The following C2orf81 variants were observed in gnomAD, a reference collection of about 807,000 sequenced individuals.
C2orf81 encodes the protein chromosome 2 open reading frame 81.
Under a neutral mutation model 7.9 loss-of-function variants are expected in C2orf81, and 5 were observed. The observed-to-expected ratio is 0.63, with a 90% confidence interval of 0.33 to 1.33. C2orf81 has a LOEUF of 1.33. Among genes scored for constraint, C2orf81 ranks in the 40% most tolerant of loss-of-function variants. The probability of loss-of-function intolerance (pLI) is 0.05; values close to 1 mark genes in which losing one functional copy is unlikely to be tolerated. For synonymous variants in C2orf81, 346 were observed against 367.4 expected, an observed-to-expected ratio of 0.94 and a Z score of 0.66; for missense variants, 781 against 830.4, an observed-to-expected ratio of 0.94 and a Z score of 0.73.
intron 1 of C2orf81, chr2:74,417,568 G>A: frequency 9.1e-7 from 1 of 1,098,468 alleles, no homozygotes; most frequent in South Asian, 1.5e-5. Flanking sequence ...TGAAAGGTGT[G>A]AGCCTCACGT....
chr2:74,416,999 G>C (rs1355946510), intron 1 of C2orf81, among the ~76,000 whole-genome samples: 1 of 152,164 alleles, frequency 6.6e-6, no homozygotes. Context: ...CATCCTAGGG[G>C]AGTAGTCAGT....
Position 74,416,118 on chromosome 2 carries a change from T to G in C2orf81, c.142A>C (p.Met48Leu). The G allele has an allele frequency of 6.5e-7, 1 of 1,534,346 alleles. No homozygotes were observed. The highest frequency in any genetic ancestry group is 8.8e-7 in the Non-Finnish European group (1 of 1,136,564). Residue 48 changes from methionine (M) to leucine (L), a missense_variant, in exon 2 of 3, where the codon ATG becomes CTG. Physicochemically the swap from Met to Leu is conservative, Grantham distance 15. Transcript: ENST00000684111. ...VPGRLSEAEW[M>L]ALTALEEGED... ...CCCTCCTCGAGGGCTGTAAGCGCCA[T>G]CCACTCGGCCTCACTGAGCCGCCCA... is the stretch of plus-strand genomic sequence containing the variant.
Position 74,415,643 on chromosome 2 carries a change from A to G in C2orf81, c.534T>C (p.Ser178=), listed in dbSNP as rs1676436546. The change falls in exon 3 of 3, where the codon TCT becomes TCC. Residue 178 remains serine, a synonymous_variant. Transcript: ENST00000684111. This position sits in a 1 kb window ranked among gnomAD's most constrained non-coding sequence, Gnocchi z 5.5. ...AIAPALPFPT[S]HCPSAFPQDP... ...CCTGGGGAAATGCACTCGGGCAGTG[A>G]GATGTCGGAAAGGGGAGAGCAGGAG... The G allele has an allele frequency of 6.4e-7, 1 of 1,551,040 alleles. No homozygotes were observed. The highest frequency in any genetic ancestry group is 1.4e-5 in the African/African-American group (1 of 73,052).
chr2:74,420,499 C>A (rs1676573954), intron 1 of C2orf81, among the ~76,000 whole-genome samples: 1 of 152,180 alleles, frequency 6.6e-6, no homozygotes, highest in Non-Finnish European at 1.5e-5. Context: ...ATTATCCCCC[C>A]AAATCTGCTG....
chr2:74,417,788 A>G, intron 1 of C2orf81: 1 of 519,896 alleles, frequency 1.9e-6, no homozygotes, highest in Non-Finnish European at 3.4e-6. Context: ...CCAAAAGCCC[A>G]GAGAGCAATG....
At position 74,415,746 on chromosome 2, in the gene C2orf81, G is replaced by A. The variant is rs2103831117; in HGVS notation, c.431C>T (p.Ala144Val). 1.3e-6 allele frequency: 2 copies of A among 1,551,590 alleles called. No individual in the cohort carries two copies. The highest frequency in any genetic ancestry group is 2.4e-5 in the East Asian group (1 of 40,918). Residue 144 changes from alanine (A) to valine (V), a missense_variant, in exon 3 of 3, where the codon GCG becomes GTG. Transcript: ENST00000684111. This position sits in a 1 kb window ranked among gnomAD's most constrained non-coding sequence, Gnocchi z 5.5. ...WAQGSVPVLHASTSEGLENFQ... is the reference protein window; with the variant it reads ...WAQGSVPVLHVSTSEGLENFQ... The stretch of plus-strand genomic sequence containing the variant: ...GTTCTCCAGGCCCTCCGAGGTGGAC[G>A]CGTGCAGCACGGGCACTGAACCCTG...
chr2:74,415,158 C>CCGCCCGCGGAGGGGCGGGTGGCGA lies in C2orf81; in HGVS notation c.1018_1019insTCGCCACCCGCCCCTCCGCGGGCG (p.Gly339_Gly340insValAlaThrArgProSerAlaGly), dbSNP rs1553369109. On this transcript the variant is annotated inframe_insertion, in exon 3 of 3. Transcript: ENST00000684111. This position sits in a 1 kb window ranked among gnomAD's most constrained non-coding sequence, Gnocchi z 5.5. ...GCAGGACGCGGAGGGGCGGGTGGCG[C>CCGCCCGCGGAGGGGCGGGTGGCGA]CGCCCACAGAGGGGTAGGACACCAA... 1.3e-6 allele frequency: 2 copies of CCGCCCGCGGAGGGGCGGGTGGCGA among 1,535,428 alleles called. No homozygotes were observed. The highest frequency in any genetic ancestry group is 2.0e-5 in the Admixed American group (1 of 49,092).
Position 74,415,682 on chromosome 2 carries a change from G to A in C2orf81, c.495C>T (p.Asp165=), listed in dbSNP as rs1291371085. The A allele has an allele frequency of 1.3e-6, 2 of 1,551,494 alleles. No individual in the cohort carries two copies. The highest frequency in any genetic ancestry group is 2.0e-5 in the Admixed American group (1 of 51,010). Reference sequence around the variant, plus strand: ...GGAGAGCAGGAGCAATGGCAGAGGAGTCCGGAGAGGCTCCTGAGGAGTGTA... The same window carrying A: ...GGAGAGCAGGAGCAATGGCAGAGGAATCCGGAGAGGCTCCTGAGGAGTGTA... ...GEVHSSGASP[D]SSAIAPALPF... Residue 165 remains aspartate (D), a synonymous_variant, in exon 3 of 3, where the codon GAC becomes GAT. Coordinates refer to ENST00000684111, the MANE Select transcript of C2orf81 (RefSeq NM_001316764.3). This position sits in a 1 kb window ranked among gnomAD's most constrained non-coding sequence, Gnocchi z 5.5.
chr2:74,416,489 C>A (rs1676471013), intron 1 of C2orf81: 2 of 313,228 alleles, frequency 6.4e-6, no homozygotes, highest in Non-Finnish European at 1.2e-5. Flanking sequence ...GTCACTTGAA[C>A]CCGGGAGATG....
Position 74,415,206 on chromosome 2 carries a change from A to AC in C2orf81, c.970dup (p.Val324GlyfsTer68), listed in dbSNP as rs1290976640. 6.5e-7 allele frequency: 1 copy of AC among 1,549,976 alleles called. No homozygotes were observed. Among genetic ancestry groups the AC allele is most frequent in the Admixed American group, 2.0e-5 (1 of 50,908 alleles). On this transcript the variant is annotated frameshift_variant, in exon 3 of 3. Coordinates refer to ENST00000684111, the MANE Select transcript of C2orf81 (RefSeq NM_001316764.3). LOFTEE classifies it low-confidence loss of function (END_TRUNC). The surrounding 1 kb of genome is among the most constrained non-coding windows in gnomAD (Gnocchi z 5.5). Reference sequence around the variant, plus strand: ...CAACACGCCCGAGGCGATGCAGGGCACCCCCTCTGACCTGAGTTCCAGCCG... The same window carrying AC: ...CAACACGCCCGAGGCGATGCAGGGCACCCCCCTCTGACCTGAGTTCCAGCCG...
intron 1 of C2orf81, chr2:74,418,037 T>C: frequency 2.5e-6 from 1 of 401,106 alleles, no homozygotes; most frequent in South Asian, 1.9e-5. Flanking sequence ...CTGGAGGCGG[T>C]GGTGATGGTG....
In C2orf81 at chr2:74,414,533, C is replaced by G. The variant is rs1473208486; in HGVS notation, c.1644G>C (p.Pro548=). The part of the protein sequence containing the change: ...DPGRWPRTTP[P]VLEATSQVMW... Reference sequence around the variant, plus strand: ...TCACCTGGGAAGTGGCTTCAAGGACCGGGGGTGTGGTTCGAGGCCATCTGC... The same window carrying G: ...TCACCTGGGAAGTGGCTTCAAGGACGGGGGGTGTGGTTCGAGGCCATCTGC... The change falls in exon 3 of 3, where the codon CCG becomes CCC. Residue 548 remains proline, a synonymous_variant. Transcript: ENST00000684111. The surrounding 1 kb of genome is among the most constrained non-coding windows in gnomAD (Gnocchi z 5.3). The G allele has an allele frequency of 6.5e-7, 1 of 1,543,734 alleles. No individual in the cohort carries two copies. Among genetic ancestry groups the G allele is most frequent in the Non-Finnish European group, 8.8e-7 (1 of 1,141,808 alleles).
rs1558528271 is a variant in C2orf81 at position 74,415,916 on chromosome 2, G to A, written c.261C>T (p.Phe87=). 6.5e-7 allele frequency: 1 copy of A among 1,548,320 alleles called. No individual in the cohort carries two copies. The highest frequency in any genetic ancestry group is 2.5e-5 in the East Asian group (1 of 40,790). ...KVYLTQQCIP[F]TISQAREAML... is the part of the protein sequence containing the mutation. ...TGGCCTCCCGGGCCTGGCTGATGGT[G>A]AATGGAATGCACTGCGGAGGCGAGA... Residue 87 remains phenylalanine (F), a synonymous_variant, in exon 3 of 3, where the codon TTC becomes TTT. Transcript: ENST00000684111. This position sits in a 1 kb window ranked among gnomAD's most constrained non-coding sequence, Gnocchi z 5.5.
rs1676446530 is a variant in C2orf81, at chr2:74,415,745, C to A, written c.432G>T (p.Ala144=). ...AGTTCTCCAGGCCCTCCGAGGTGGACGCGTGCAGCACGGGCACTGAACCCT... is the reference window on the plus strand; with the variant it reads ...AGTTCTCCAGGCCCTCCGAGGTGGAAGCGTGCAGCACGGGCACTGAACCCT... ...WAQGSVPVLH[A]STSEGLENFQ... Residue 144 remains alanine, a synonymous_variant, in exon 3 of 3, where the codon GCG becomes GCT. Coordinates refer to ENST00000684111, the MANE Select transcript of C2orf81 (RefSeq NM_001316764.3). The surrounding 1 kb of genome is among the most constrained non-coding windows in gnomAD (Gnocchi z 5.5). The A allele has an allele frequency of 6.4e-7, 1 of 1,551,452 alleles. No homozygotes were observed. The highest frequency in any genetic ancestry group is 8.7e-7 in the Non-Finnish European group (1 of 1,147,022).
At position 74,415,594 on chromosome 2, in the gene C2orf81, G is replaced by C; in HGVS notation, c.583C>G (p.Pro195Ala). The change falls in exon 3 of 3, where the codon CCT becomes GCT. Residue 195 changes from proline to alanine, a missense_variant. Coordinates refer to ENST00000684111, the MANE Select transcript of C2orf81 (RefSeq NM_001316764.3). The surrounding 1 kb of genome is among the most constrained non-coding windows in gnomAD (Gnocchi z 5.5). ...PQDPGGVDRIPLGRSWMGRGS... is the reference protein window; with the variant it reads ...PQDPGGVDRIALGRSWMGRGS... ...CGACCCATCCACGACCTTCCTAAAG[G>C]GATCCGGTCCACGCCCCCAGGGTCC... The C allele has an allele frequency of 6.4e-7, 1 of 1,551,254 alleles. No individual in the cohort carries two copies. The highest frequency in any genetic ancestry group is 8.7e-7 in the Non-Finnish European group (1 of 1,146,996).
Position 74,415,060 on chromosome 2 carries a change from C to T in C2orf81, c.1117G>A (p.Val373Met). 1.3e-6 allele frequency: 2 copies of T among 1,548,104 alleles called. No individual in the cohort carries two copies. Among genetic ancestry groups the T allele is most frequent in the Non-Finnish European group, 1.7e-6 (2 of 1,145,664 alleles). Residue 373 changes from valine (V) to methionine (M), a missense_variant, in exon 3 of 3, where the codon GTG (valine) becomes ATG (methionine). Coordinates refer to ENST00000684111, the MANE Select transcript of C2orf81 (RefSeq NM_001316764.3). The surrounding 1 kb of genome is among the most constrained non-coding windows in gnomAD (Gnocchi z 5.5). ...AGCCTCGCAGGGTCCAGGCGTTTCA[C>T]GGCCGCCTTGCGGCGCATCCTGTGG... ...HHHRMRRKAA[V>M]KRLDPARLPC... is the part of the protein sequence containing the mutation.
intron 1 of C2orf81, among the ~76,000 whole-genome samples, chr2:74,420,772 CTTTTTTTTTT>C (rs745827470): frequency 3.2e-4 from 23 of 72,708 alleles, no homozygotes; most frequent in South Asian, 6.7e-4. Flanking sequence ...TCTTCTTCTT[CTTTTTTTTTT>C]TTTTTTTTTT....
intron 1 of C2orf81, chr2:74,417,526 C>T: frequency 5.2e-6 from 6 of 1,158,644 alleles, no homozygotes; most frequent in Non-Finnish European, 7.0e-6. Context: ...GCTGTCCAAC[C>T]TAGTGCAGGG....
chr2:74,415,889 C>T lies in C2orf81; in HGVS notation c.288G>A (p.Met96Ile). The change falls in exon 3 of 3, where the codon ATG (methionine) becomes ATA (isoleucine). Residue 96 changes from methionine (M) to isoleucine (I), a missense_variant. Transcript: ENST00000684111. The surrounding 1 kb of genome is among the most constrained non-coding windows in gnomAD (Gnocchi z 5.5). ...GGAAGCGCCACTCGGTGATCTGCAG[C>T]ATGGCCTCCCGGGCCTGGCTGATGG... Reference protein sequence around the residue: ...PFTISQAREAMLQITEWRFLA... With the variant: ...PFTISQAREAILQITEWRFLA... 1 of 1,550,162 alleles carries T rather than the reference C, an allele frequency of 6.5e-7. No homozygotes were observed. Among genetic ancestry groups the T allele is most frequent in the Non-Finnish European group, 8.7e-7 (1 of 1,145,868 alleles).
Sources: allele counts gnomAD v4.1 joint callset (sites outside exome capture counted in the v4.1 genomes callset), GRCh38; gene constraint gnomAD v4.1.1; non-coding constraint Gnocchi (gnomAD v3.1); transcripts MANE v1.5; gene names NCBI Gene and HGNC (gene_info 2026-07-23, HGNC 2026-07-21).